SH3TC2: variants seen among roughly 807,000 people sequenced by gnomAD.
SH3TC2 encodes the protein SH3 domain and tetratricopeptide repeat-containing protein 2.
Under a neutral mutation model 124.5 loss-of-function variants are expected in SH3TC2, and 87 were observed. The ratio of observed to expected loss-of-function variants is 0.70; its 90% CI spans 0.59 to 0.84. The LOEUF is 0.84. Among genes scored for constraint, SH3TC2 ranks in the 40% least tolerant of loss-of-function variants. The probability of loss-of-function intolerance (pLI) is 0.00; values close to 1 mark genes in which losing one functional copy is unlikely to be tolerated. For synonymous variants in SH3TC2, 634 were observed against 628.5 expected (o/e 1.01, Z -0.13); for missense variants, 1,536 against 1,566.4 (o/e 0.98, Z 0.33).
At chr5:149,018,261 C>T (rs1753908336) in intron 12 of SH3TC2, among the ~76,000 whole-genome samples, 1 of 152,128 alleles carries the variant, frequency 6.6e-6, no homozygotes, top group South Asian at 2.1e-4. Context: ...CTGTACAGGT[C>T]TGGATACCCA....
At chr5:149,058,059 A>C (rs1013163282) in intron 1 of SH3TC2, among the ~76,000 whole-genome samples, 1 of 152,232 alleles carries the variant, frequency 6.6e-6, no homozygotes, top group African/African-American at 2.4e-5. Flanking sequence ...AGTCCAACCC[A>C]TAAAAACAGA....
chr5:149,012,069 C>T (rs576769950), intron 13 of SH3TC2, among the ~76,000 whole-genome samples: 1 of 152,268 alleles, frequency 6.6e-6, no homozygotes, highest in Admixed American at 6.5e-5. Context: ...ACAGTCAGTC[C>T]ATATGTGATG....
intron 1 of SH3TC2, among the ~76,000 whole-genome samples, chr5:149,055,622 A>G (rs1754632858): frequency 6.6e-6 from 1 of 152,210 alleles, no homozygotes; most frequent in Non-Finnish European, 1.5e-5. Flanking sequence ...TGGAAAGCTG[A>G]CAGTGTCAAT....
rs1186354032 is a variant in SH3TC2 at position 149,052,245 on chromosome 5, A to G, written c.53-5T>C. On this transcript the variant is annotated splice_region_variant and splice_polypyrimidine_tract_variant and intron_variant, in intron 1 of 16. Transcript: ENST00000515425. ...CCTTGGAAGGAGTTTCTTTACCTGGAGAAGATGAAATAAAAGGTCATCTTA... is the reference window on the plus strand; with the variant it reads ...CCTTGGAAGGAGTTTCTTTACCTGGGGAAGATGAAATAAAAGGTCATCTTA... The G allele has an allele frequency of 6.3e-7, 1 of 1,592,770 alleles. No individual in the cohort carries two copies. Among genetic ancestry groups the G allele is most frequent in the Non-Finnish European group, 8.6e-7 (1 of 1,160,708 alleles).
At chr5:149,047,456 A>G (rs1299269731) in intron 3 of SH3TC2, 1 of 256,632 alleles carries the variant, frequency 3.9e-6, no homozygotes, top group Non-Finnish European at 7.7e-6. Context: ...TACACTTAAA[A>G]AATGATTAAA....
At chr5:149,041,321 C>T in intron 6 of SH3TC2, 95 bp downstream of exon 6, 2 of 1,319,798 alleles carry the variant, frequency 1.5e-6, no homozygotes, top group Non-Finnish European at 2.1e-6. Flanking sequence ...CTCCTCCACA[C>T]TATGGATGCC....
rs968712916 is a variant in SH3TC2 at position 148,999,990 on chromosome 5, C to A, written c.*4721G>T. On this transcript the variant is annotated 3_prime_UTR_variant, in exon 17 of 17. Transcript: ENST00000515425. ...ACATGCACTGTCTGTCAATACCAACCTGCTGGTCTGCAGTTAGAATTAAGT... is the reference window on the plus strand; with the variant it reads ...ACATGCACTGTCTGTCAATACCAACATGCTGGTCTGCAGTTAGAATTAAGT... Among the ~76,000 whole-genome samples the A allele has an allele frequency of 6.6e-6, 1 of 152,158 alleles. No individual in the cohort carries two copies. The highest frequency in any genetic ancestry group is 2.4e-5 in the African/African-American group (1 of 41,416).
In SH3TC2 at chr5:148,994,219, C is replaced by T. The variant is rs1488104664; in HGVS notation, c.*10492G>A. Among the ~76,000 whole-genome samples the T allele has an allele frequency of 6.6e-6, 1 of 152,176 alleles. No homozygotes were observed. The highest frequency in any genetic ancestry group is 1.5e-5 in the Non-Finnish European group (1 of 68,034). On this transcript the variant is annotated 3_prime_UTR_variant, in exon 17 of 17. Coordinates refer to ENST00000515425, the MANE Select transcript of SH3TC2 (RefSeq NM_024577.4). Reference sequence around the variant, plus strand: ...GGCTTGGACTGGTGTCCTGAAGCTGCCACTCTCTATCTACAGGACTTTGGG... The same window carrying T: ...GGCTTGGACTGGTGTCCTGAAGCTGTCACTCTCTATCTACAGGACTTTGGG...
chr5:149,045,295 T>C (rs564616114), intron 3 of SH3TC2: 270 of 152,470 alleles, frequency 1.8e-3, no homozygotes, highest in African/African-American at 6.2e-3. Context: ...CAAAGCATCT[T>C]CTATGTCATC....
At chr5:149,053,645 A>G (rs1215575112) in intron 1 of SH3TC2, among the ~76,000 whole-genome samples, 2 of 152,240 alleles carry the variant, frequency 1.3e-5, no homozygotes, top group Non-Finnish European at 2.9e-5. Context: ...GAATGAGCAC[A>G]AATCAAATCT....
chr5:149,016,798 G>A (rs935457918), intron 12 of SH3TC2, among the ~76,000 whole-genome samples: 1 of 151,836 alleles, frequency 6.6e-6, no homozygotes, highest in Non-Finnish European at 1.5e-5. Flanking sequence ...GGTGGCGGGC[G>A]CCTGTAGTCC....
Position 149,004,664 on chromosome 5 carries a change from G to A in SH3TC2, c.*47C>T, listed in dbSNP as rs79738100. 1,309 of 1,602,316 alleles carry A rather than the reference G, an allele frequency of 8.2e-4. 11 individuals carry two copies. The African/African-American group carries it at 0.016, about 20-fold the overall frequency. Reference sequence around the variant, plus strand: ...AGTATTTAAGAGCCTAGGGCAGTGGGGTCAGAGTCTGGCCATGCCAAATGT... The same window carrying A: ...AGTATTTAAGAGCCTAGGGCAGTGGAGTCAGAGTCTGGCCATGCCAAATGT... On this transcript the variant is annotated 3_prime_UTR_variant, in exon 17 of 17. Transcript: ENST00000515425.
In SH3TC2 at chr5:149,042,195, A is replaced by C. The variant is rs1046822199; in HGVS notation, c.529+499T>G. 2.0e-5 allele frequency among the ~76,000 whole-genome samples: 3 copies of C among 152,210 alleles called. No homozygotes were observed. The East Asian group carries it at 5.8e-4, about 29-fold the overall frequency. ...TGTTAATTGGTAGATGATAACCTTG[A>C]TGGGACTCTCACCTATAAACAGATC... On this transcript the variant is annotated intron_variant, in intron 5 of 16. Transcript: ENST00000515425.
chr5:149,047,849 C>T lies in SH3TC2; in HGVS notation c.279+13G>A. The T allele has an allele frequency of 6.2e-7, 1 of 1,613,842 alleles. No individual in the cohort carries two copies. Among genetic ancestry groups the T allele is most frequent in the Non-Finnish European group, 8.5e-7 (1 of 1,179,828 alleles). On this transcript the variant is annotated intron_variant, in intron 3 of 16. Transcript: ENST00000515425. Reference sequence around the variant, plus strand: ...GTCAGTACTCAGCATTCACCTGTTTCCTTCATGCTCACCTTAAACAGCATG... The same window carrying T: ...GTCAGTACTCAGCATTCACCTGTTTTCTTCATGCTCACCTTAAACAGCATG...
At chr5:149,047,821 C>T (rs749280850) in intron 3 of SH3TC2, 41 bp downstream of exon 3, 3 of 1,611,922 alleles carry the variant, frequency 1.9e-6, no homozygotes, top group African/African-American at 1.3e-5. Flanking sequence ...CAGACTGACA[C>T]AAGTCAGTAC....
rs1373600357 is a variant in SH3TC2, at chr5:148,996,238, C to G, written c.*8473G>C. ...CCACCCCACTGCACTCCAGCCTGGG[C>G]AACAGAGTGAGACCCTGCCTAAATA... is the stretch of plus-strand genomic sequence containing the variant. On this transcript the variant is annotated 3_prime_UTR_variant, in exon 17 of 17. Transcript: ENST00000515425. Among the ~76,000 whole-genome samples the G allele has an allele frequency of 2.0e-5, 3 of 151,746 alleles. No homozygotes were observed. Among genetic ancestry groups the G allele is most frequent in the African/African-American group, 7.3e-5 (3 of 41,270 alleles).
intron 12 of SH3TC2, among the ~76,000 whole-genome samples, chr5:149,019,050 G>A (rs1414312732): frequency 1.3e-5 from 2 of 152,212 alleles, no homozygotes; most frequent in East Asian, 3.9e-4. Flanking sequence ...GGGGAATTTA[G>A]TTGAAGAAAT....
intron 2 of SH3TC2, among the ~76,000 whole-genome samples, chr5:149,048,356 TAGGACTTTATCCATATTTA>T (rs1306759339): frequency 6.6e-6 from 1 of 152,232 alleles, no homozygotes; most frequent in African/African-American, 2.4e-5. Context: ...TTAGAATCAA[TAGGACTTTATCCATATTTA>T]AGGAAATGTA....
At chr5:149,010,455 G>A in intron 13 of SH3TC2, 63 bp from the exon 14 acceptor site, 2 of 1,608,416 alleles carry the variant, frequency 1.2e-6, no homozygotes, top group Non-Finnish European at 1.7e-6. Context: ...CCACAGGACT[G>A]GCAGAGCTAA....
Sources: allele counts gnomAD v4.1 joint callset (sites outside exome capture counted in the v4.1 genomes callset), GRCh38; gene constraint gnomAD v4.1.1; transcripts MANE v1.5; gene names NCBI Gene and HGNC (gene_info 2026-07-23, HGNC 2026-07-21).